Variants in JMJD1C observed in about 807,000 individuals in gnomAD.
The protein encoded by JMJD1C is jumonji domain containing 1C, also known as jumonji domain-containing protein 1C.
Under a neutral mutation model 245.3 loss-of-function variants are expected in JMJD1C, and 31 were observed. The observed-to-expected ratio is 0.13, with a 90% CI of 0.09 to 0.17. The LOEUF (loss-of-function observed/expected upper bound fraction) is 0.17, where lower values mean the gene tolerates loss of function less well. Among genes scored for constraint, JMJD1C ranks in the 10% least tolerant of loss-of-function variants. The probability of loss-of-function intolerance (pLI) is 1.00; values close to 1 mark genes in which losing one functional copy is unlikely to be tolerated. For synonymous variants in JMJD1C, 1,057 were observed against 1,017.4 expected, an observed-to-expected ratio of 1.04 and a Z score of -0.74; for missense variants, 2,691 against 3,000.2, an observed-to-expected ratio of 0.90 and a Z score of 2.41.
intron 1 of JMJD1C, among the ~76,000 whole-genome samples, chr10:63,390,369 A>G (rs1398795463): frequency 6.6e-6 from 1 of 152,164 alleles, no homozygotes; most frequent in Admixed American, 6.5e-5. Context: ...ACAAGTAATG[A>G]GGTAAAATTA....
Position 63,207,507 on chromosome 10 carries a change from C to G in JMJD1C, c.4162G>C (p.Val1388Leu). The G allele has an allele frequency of 6.2e-7, 1 of 1,614,216 alleles. No homozygotes were observed. The highest frequency in any genetic ancestry group is 2.2e-5 in the East Asian group (1 of 44,884). Residue 1388 changes from valine to leucine, a missense_variant, in exon 10 of 26, where the codon GTA (valine) becomes CTA (leucine). Physicochemically the swap from Val to Leu is conservative, Grantham distance 32. Coordinates refer to ENST00000399262, the MANE Select transcript of JMJD1C (RefSeq NM_032776.3). Reference protein sequence around the residue: ...GSVPSSVMSAVNTMCNTKTDV... With the variant: ...GSVPSSVMSALNTMCNTKTDV... Reference sequence around the variant, plus strand: ...GTTTTGGTATTACACATCGTATTTACAGCAGACATGACTGAACTGGGAACA... The same window carrying G: ...GTTTTGGTATTACACATCGTATTTAGAGCAGACATGACTGAACTGGGAACA...
chr10:63,271,211 T>C (rs1190927978), intron 2 of JMJD1C, among the ~76,000 whole-genome samples: 1 of 152,150 alleles, frequency 6.6e-6, no homozygotes, highest in Non-Finnish European at 1.5e-5. Context: ...AATCTCACTG[T>C]TGCCCAGGCT....
chr10:63,335,031 T>G (rs7924032), intron 2 of JMJD1C, among the ~76,000 whole-genome samples: 2 of 136,368 alleles, frequency 1.5e-5, no homozygotes, highest in African/African-American at 5.5e-5. Flanking sequence ...TGGAAAAAAA[T>G]AAAAAAAAAA....
At chr10:63,247,124 A>C (rs1424751529) in intron 3 of JMJD1C, among the ~76,000 whole-genome samples, 4 of 151,098 alleles carry the variant, frequency 2.6e-5, no homozygotes, top group Admixed American at 6.6e-5. Context: ...AAACAAAAAC[A>C]AAAAAACAAA....
At chr10:63,319,170 T>C (rs1589465034) in intron 2 of JMJD1C, among the ~76,000 whole-genome samples, 4 of 144,668 alleles carry the variant, frequency 2.8e-5, no homozygotes, top group South Asian at 2.2e-4. Context: ...GGCAGGAGAA[T>C]GGCGTGAACC....
intron 2 of JMJD1C, among the ~76,000 whole-genome samples, chr10:63,284,139 C>A (rs896301399): frequency 6.6e-6 from 1 of 151,970 alleles, no homozygotes; most frequent in Non-Finnish European, 1.5e-5. Flanking sequence ...TATTCTCTTG[C>A]CTCAGCCTCC....
chr10:63,474,647 T>C (rs1481111778), intron 1 of JMJD1C, among the ~76,000 whole-genome samples: 2 of 152,018 alleles, frequency 1.3e-5, no homozygotes, highest in Non-Finnish European at 2.9e-5. Flanking sequence ...GACGACGGTC[T>C]CACTATTTTG....
At chr10:63,465,459 C>T (rs756567116) in intron 1 of JMJD1C, 36 bp downstream of exon 1, 3 of 1,548,710 alleles carry the variant, frequency 1.9e-6, no homozygotes, top group Admixed American at 3.6e-5. Context: ...CGGGTGCGGG[C>T]GCGGCAGGGG....
At position 63,418,511 on chromosome 10, in the gene JMJD1C, C is replaced by A. The variant is rs1198838243; in HGVS notation, c.169-38029G>T. Among the ~76,000 whole-genome samples, 2 of 152,124 alleles carry A rather than the reference C, an allele frequency of 1.3e-5. 1 individual carries two copies. Among genetic ancestry groups the A allele is most frequent in the Non-Finnish European group, 2.9e-5 (2 of 68,012 alleles). On this transcript the variant is annotated intron_variant, in intron 1 of 25. Coordinates refer to ENST00000399262, the MANE Select transcript of JMJD1C (RefSeq NM_032776.3). ...ACAATTAGATTTAATCTCAATTTTC[C>A]TTTATGGCTCAAAGGAAAGGATACC...
intron 14 of JMJD1C, among the ~76,000 whole-genome samples, chr10:63,193,991 C>G (rs1049669596): frequency 3.3e-5 from 5 of 152,080 alleles, no homozygotes; most frequent in African/African-American, 1.2e-4. Context: ...ATTCTTTTCT[C>G]TCTTTATTAA....
rs138039854 is a variant in JMJD1C at position 63,251,254 on chromosome 10, T to C, written c.447+13397A>G. Among the ~76,000 whole-genome samples, 496 of 152,328 alleles carry C rather than the reference T, an allele frequency of 3.3e-3. 2 individuals are homozygous for C. The highest frequency in any genetic ancestry group is 0.014 in the Middle Eastern group (4 of 294). ...AAAAGGGCTGTCAATTGGGAATTAGTTCCATATATTGTACTGGACTCTCAG... is the reference window on the plus strand; with the variant it reads ...AAAAGGGCTGTCAATTGGGAATTAGCTCCATATATTGTACTGGACTCTCAG... On this transcript the variant is annotated intron_variant, in intron 3 of 25. Coordinates refer to ENST00000399262, the MANE Select transcript of JMJD1C (RefSeq NM_032776.3).
Position 63,294,531 on chromosome 10 carries a change from G to A in JMJD1C, c.334-29767C>T, listed in dbSNP as rs916892883. ...CATCTCTTGACCTCGTGATCCGCCCGCCTTGGCCTCCCAAAGTGCTGGGAT... is the reference window on the plus strand; with the variant it reads ...CATCTCTTGACCTCGTGATCCGCCCACCTTGGCCTCCCAAAGTGCTGGGAT... On this transcript the variant is annotated intron_variant, in intron 2 of 25. Coordinates refer to ENST00000399262, the MANE Select transcript of JMJD1C (RefSeq NM_032776.3). Among the ~76,000 whole-genome samples, 11 of 152,194 alleles carry A rather than the reference G, an allele frequency of 7.2e-5. No homozygotes were observed. In the East Asian group the frequency reaches 1.7e-3, roughly 24 times the overall value.
intron 2 of JMJD1C, among the ~76,000 whole-genome samples, chr10:63,299,020 C>A (rs567902688): frequency 1.1e-3 from 165 of 150,940 alleles, no homozygotes; most frequent in African/African-American, 3.9e-3. Flanking sequence ...CATGAGCCAC[C>A]ATGCCTGGCC....
chr10:63,411,364 T>G, intron 1 of JMJD1C, among the ~76,000 whole-genome samples: 1 of 146,840 alleles, frequency 6.8e-6, no homozygotes, highest in African/African-American at 2.5e-5. Flanking sequence ...GGTGGCCCAA[T>G]CTTGGCTCAC....
In JMJD1C at chr10:63,446,396, G is replaced by C. The variant is rs78152944; in HGVS notation, c.168+19099C>G. Among the ~76,000 whole-genome samples the C allele has an allele frequency of 2.7e-3, 406 of 152,306 alleles. 3 individuals are homozygous for C. Among genetic ancestry groups the C allele is most frequent in the African/African-American group, 9.1e-3 (378 of 41,574 alleles). On this transcript the variant is annotated intron_variant, in intron 1 of 25. Coordinates refer to ENST00000399262, the MANE Select transcript of JMJD1C (RefSeq NM_032776.3). Reference sequence around the variant, plus strand: ...GAGATGCCTATTAGACATCCAAATAGAGACAATGAATAAGCTGTTTCAACA... The same window carrying C: ...GAGATGCCTATTAGACATCCAAATACAGACAATGAATAAGCTGTTTCAACA...
intron 2 of JMJD1C, among the ~76,000 whole-genome samples, chr10:63,285,566 C>G (rs574391129): frequency 1.3e-5 from 2 of 152,290 alleles, no homozygotes; most frequent in East Asian, 3.9e-4. Flanking sequence ...AGCCTCCAAT[C>G]CCAGCACTTT....
chr10:63,495,272 CA>C (rs1030212613), intron 1 of JMJD1C, among the ~76,000 whole-genome samples: 23 of 137,324 alleles, frequency 1.7e-4, no homozygotes, highest in South Asian at 2.3e-4. Flanking sequence ...GGGATTATCT[CA>C]AAAAAAAAAG....
chr10:63,272,673 TAAAAG>T (rs1856443051), intron 2 of JMJD1C, among the ~76,000 whole-genome samples: 1 of 152,154 alleles, frequency 6.6e-6, no homozygotes, highest in Admixed American at 6.5e-5. Context: ...TCTATGTAAA[TAAAAG>T]AACTCACAAT....
intron 1 of JMJD1C, among the ~76,000 whole-genome samples, chr10:63,453,730 GT>G (rs775323784): frequency 1.3e-5 from 2 of 151,490 alleles, no homozygotes; most frequent in Non-Finnish European, 2.9e-5. Flanking sequence ...AAAAGCAATA[GT>G]TTTTTTTTGT....
Sources: gnomAD v4.1 joint callset for allele counts (sites outside exome capture counted in the v4.1 genomes callset) on GRCh38, gnomAD v4.1.1 for gene constraint, MANE v1.5 for transcripts, NCBI Gene and HGNC (gene_info 2026-07-23, HGNC 2026-07-21) for gene names.